The following MAGI2 variants were observed in gnomAD, a reference collection of about 807,000 sequenced individuals.
MAGI2 encodes membrane associated guanylate kinase, WW and PDZ domain containing 2, also known as membrane-associated guanylate kinase, WW and PDZ domain-containing protein 2.
A neutral mutation model predicts 133.3 loss-of-function variants in MAGI2; 35 were observed. The ratio of observed to expected loss-of-function variants is 0.26; its 90% CI spans 0.20 to 0.35. The LOEUF (loss-of-function observed/expected upper bound fraction) is 0.35, where lower values mean the gene tolerates loss of function less well. MAGI2 is among the 10% of genes least tolerant of loss of function. The pLI, the probability that MAGI2 is intolerant of heterozygous loss-of-function variation, is 1.00. For missense variants in MAGI2, 1,636 were observed against 1,863.4 expected, an observed-to-expected ratio of 0.88 and a Z score of 2.25; for synonymous variants, 729 against 710.6, an observed-to-expected ratio of 1.03 and a Z score of -0.41.
intron 2 of MAGI2, among the ~76,000 whole-genome samples, chr7:78,925,502 T>C (rs555623298): frequency 2.0e-5 from 3 of 152,038 alleles, no homozygotes; most frequent in East Asian, 1.9e-4. Flanking sequence ...TCGAATCCAA[T>C]AGGTCTCAAA....
intron 1 of MAGI2, among the ~76,000 whole-genome samples, chr7:79,144,291 G>A (rs74401002): frequency 0.016 from 2,461 of 152,262 alleles, 71 homozygotes; most frequent in African/African-American, 0.055. Flanking sequence ...CAAATCTCAC[G>A]TGGAATTGTA....
At chr7:78,619,028 AAAAG>A (rs1807425515) in intron 3 of MAGI2, 3 of 150,364 alleles carry the variant, frequency 2.0e-5, no homozygotes, top group South Asian at 4.2e-4. Context: ...AAAAAAAAAA[AAAAG>A]AATTTCAAAT....
chr7:79,108,582 A>G (rs556571394), intron 1 of MAGI2, among the ~76,000 whole-genome samples: 1 of 152,314 alleles, frequency 6.6e-6, no homozygotes, highest in African/African-American at 2.4e-5. Context: ...CTACCCATCA[A>G]GTTTTGCCCA....
chr7:78,819,443 T>A (rs560098581), intron 2 of MAGI2, among the ~76,000 whole-genome samples: 81 of 152,264 alleles, frequency 5.3e-4, no homozygotes, highest in African/African-American at 1.8e-3. Context: ...TTTCTAGGTT[T>A]ATCGGGAAAT....
intron 1 of MAGI2, among the ~76,000 whole-genome samples, chr7:79,028,977 TA>T (rs1562806663): frequency 2.0e-5 from 3 of 152,190 alleles, no homozygotes; most frequent in African/African-American, 7.2e-5. Flanking sequence ...AAAGTAAGTA[TA>T]AAAAACACAA....
chr7:78,678,078 C>T (rs1293129272), intron 2 of MAGI2, among the ~76,000 whole-genome samples: 3 of 152,026 alleles, frequency 2.0e-5, no homozygotes, highest in Admixed American at 1.3e-4. Context: ...GGAGGCAGTA[C>T]CGATCAGAGA....
At chr7:78,563,415 C>T (rs1800610482) in intron 3 of MAGI2, among the ~76,000 whole-genome samples, 1 of 152,174 alleles carries the variant, frequency 6.6e-6, no homozygotes, top group Non-Finnish European at 1.5e-5. Context: ...TAGTGGTCTC[C>T]TCAAGCACTT....
At chr7:78,714,247 T>A (rs1206736889) in intron 2 of MAGI2, among the ~76,000 whole-genome samples, 1 of 152,044 alleles carries the variant, frequency 6.6e-6, no homozygotes, top group Non-Finnish European at 1.5e-5. Flanking sequence ...GGGGGCAAGG[T>A]TTCAAAGCTC....
chr7:79,059,315 CT>C (rs1430206362), intron 1 of MAGI2, among the ~76,000 whole-genome samples: 1 of 151,980 alleles, frequency 6.6e-6, no homozygotes, highest in African/African-American at 2.4e-5. Flanking sequence ...AATTGTATTC[CT>C]AGTGTCATCC....
rs75977199 is a variant in MAGI2 at position 78,734,793 on chromosome 7, G to A, written c.419-107554C>T. Among the ~76,000 whole-genome samples, 11 of 152,258 alleles carry A rather than the reference G, an allele frequency of 7.2e-5. No individual in the cohort carries two copies. In the East Asian group the frequency reaches 2.1e-3, roughly 29 times the overall value. ...GTCAAAGCTAAGGGATGCCAACCAA[G>A]CCCAGCCTAGCACAGAGCCTGTGGT... On this transcript the variant is annotated intron_variant, in intron 2 of 21. Transcript: ENST00000354212.
rs1441546286 is a variant in MAGI2, at chr7:78,954,793, T to TA, written c.418+52296dup. Among the ~76,000 whole-genome samples the TA allele has an allele frequency of 3.3e-5, 5 of 152,152 alleles. No individual in the cohort carries two copies. The East Asian group carries it at 9.6e-4, about 29-fold the overall frequency. On this transcript the variant is annotated intron_variant, in intron 2 of 21. Coordinates refer to ENST00000354212, the MANE Select transcript of MAGI2 (RefSeq NM_012301.4). ...ATGGTAGTTGTGATCATTCTTTTTT[T>TA]AAAAAAGGAGTCAGTTTCAAAGCAT...
intron 1 of MAGI2, among the ~76,000 whole-genome samples, chr7:79,157,901 G>GGCTAAAGT (rs1295354609): frequency 5.1e-4 from 67 of 131,884 alleles, no homozygotes; most frequent in African/African-American, 1.9e-3. Flanking sequence ...TTTATGTCAT[G>GGCTAAAGT]GCTAAAGTTC....
At chr7:79,400,282 T>C (rs1845377163) in intron 1 of MAGI2, among the ~76,000 whole-genome samples, 1 of 152,146 alleles carries the variant, frequency 6.6e-6, no homozygotes, top group Admixed American at 6.5e-5. Flanking sequence ...ATAAAAAACT[T>C]TATAAGGTAT....
chr7:78,851,314 A>G (rs1793119326), intron 2 of MAGI2, among the ~76,000 whole-genome samples: 1 of 152,122 alleles, frequency 6.6e-6, no homozygotes, highest in South Asian at 2.1e-4. Context: ...AAGGGCTTTA[A>G]GAGTACGGCA....
intron 3 of MAGI2, among the ~76,000 whole-genome samples, chr7:78,572,282 A>G (rs191120824): frequency 6.6e-6 from 1 of 152,272 alleles, no homozygotes; most frequent in African/African-American, 2.4e-5. Context: ...GGTTTGTGAT[A>G]TCCTTTAAGT....
chr7:78,643,936 C>T (rs543176889), intron 2 of MAGI2, among the ~76,000 whole-genome samples: 2 of 151,774 alleles, frequency 1.3e-5, no homozygotes, highest in South Asian at 2.1e-4. Flanking sequence ...TATATGCTGC[C>T]TACAAAAAAC....
At chr7:78,513,068 A>C (rs1367323462) in intron 4 of MAGI2, among the ~76,000 whole-genome samples, 1 of 152,194 alleles carries the variant, frequency 6.6e-6, no homozygotes, top group African/African-American at 2.4e-5. Flanking sequence ...AAAAAACCAC[A>C]GCAAGGTATG....
Position 79,237,629 on chromosome 7 carries a change from A to C in MAGI2, c.301+215391T>G, listed in dbSNP as rs143624028. ...TGTCTCCCGGTCTCTCTCCATACTCATGCCAACACTCACAGTTGGAGTTCT... is the reference window on the plus strand; with the variant it reads ...TGTCTCCCGGTCTCTCTCCATACTCCTGCCAACACTCACAGTTGGAGTTCT... On this transcript the variant is annotated intron_variant, in intron 1 of 21. Coordinates refer to ENST00000354212, the MANE Select transcript of MAGI2 (RefSeq NM_012301.4). 3.2e-3 allele frequency among the ~76,000 whole-genome samples: 485 copies of C among 152,262 alleles called. 1 individual carries two copies. The highest frequency in any genetic ancestry group is 0.011 in the African/African-American group (459 of 41,550).
chr7:79,300,271 T>G (rs1837292176), intron 1 of MAGI2, among the ~76,000 whole-genome samples: 2 of 152,186 alleles, frequency 1.3e-5, no homozygotes, highest in Non-Finnish European at 2.9e-5. Flanking sequence ...AAAATGGTTG[T>G]GACCAAAATG....
Sources: gnomAD v4.1 joint callset for allele counts (sites outside exome capture counted in the v4.1 genomes callset) on GRCh38, gnomAD v4.1.1 for gene constraint, MANE v1.5 for transcripts, NCBI Gene and HGNC (gene_info 2026-07-23, HGNC 2026-07-21) for gene names.